The following ARHGAP22 variants were observed in gnomAD, a reference collection of about 807,000 sequenced individuals.
The protein encoded by ARHGAP22 is Rho GTPase activating protein 22.
ARHGAP22 carries 48 observed loss-of-function variants against 59.1 expected under a neutral mutation model. That is an observed-to-expected ratio of 0.81 (90% CI 0.64 to 1.03). ARHGAP22 has a LOEUF of 1.03. Among genes scored for constraint, ARHGAP22 ranks in the 50% least tolerant of loss-of-function variants. ARHGAP22 has a pLI of 0.00. For synonymous variants in ARHGAP22, 445 were observed against 416.4 expected, an observed-to-expected ratio of 1.07 and a Z score of -0.84; for missense variants, 1,015 against 958.7, an observed-to-expected ratio of 1.06 and a Z score of -0.78.
intron 1 of ARHGAP22, among the ~76,000 whole-genome samples, chr10:48,634,113 T>C (rs746964767): frequency 2.6e-5 from 4 of 152,174 alleles, no homozygotes; most frequent in Non-Finnish European, 4.4e-5. Context: ...CTCAGTAGTA[T>C]CATGGGTAGC....
intron 8 of ARHGAP22, chr10:48,451,753 C>G (rs2045984042): frequency 5.0e-6 from 3 of 600,164 alleles, no homozygotes; most frequent in African/African-American, 3.8e-5. Flanking sequence ...CCCACCCAGC[C>G]TCCCCAAATC....
intron 5 of ARHGAP22, among the ~76,000 whole-genome samples, chr10:48,457,996 AG>A (rs1385839147): frequency 2.7e-5 from 1 of 37,530 alleles, no homozygotes; most frequent in Non-Finnish European, 5.6e-5. Context: ...GTGGGTGGGG[AG>A]GGCCCCTCTG....
At chr10:48,443,943 C>CTCTT (rs1239764555), downstream of ARHGAP22, 4 of 152,112 alleles carry the variant, frequency 2.6e-5, no homozygotes, top group African/African-American at 9.7e-5. Context: ...CATAAGACAA[C>CTCTT]TCTTTGTTTT....
chr10:48,539,385 G>A (rs1489889452), intron 3 of ARHGAP22, among the ~76,000 whole-genome samples: 2 of 143,938 alleles, frequency 1.4e-5, no homozygotes, highest in Admixed American at 7.0e-5. Context: ...TCCGCCTCCC[G>A]GGTTCACGCC....
intron 3 of ARHGAP22, among the ~76,000 whole-genome samples, chr10:48,516,585 T>C (rs1323721664): frequency 6.6e-6 from 1 of 152,148 alleles, no homozygotes; most frequent in Non-Finnish European, 1.5e-5. Context: ...ACAAATTAGA[T>C]GACTTAGATA....
chr10:48,567,974 A>G (rs1239549388), intron 2 of ARHGAP22, among the ~76,000 whole-genome samples: 1 of 152,260 alleles, frequency 6.6e-6, no homozygotes, highest in African/African-American at 2.4e-5. Context: ...AAGAAGTTAT[A>G]AAATCATAGC....
At chr10:48,620,012 C>A (rs949790360) in intron 1 of ARHGAP22, among the ~76,000 whole-genome samples, 26 of 152,204 alleles carry the variant, frequency 1.7e-4, no homozygotes, top group African/African-American at 6.3e-4. Context: ...AAAAGAACAC[C>A]AAATAATTTG....
chr10:48,584,993 C>CAAAAA (rs34230451), intron 1 of ARHGAP22, among the ~76,000 whole-genome samples: 2 of 137,608 alleles, frequency 1.5e-5, no homozygotes, highest in African/African-American at 2.7e-5. Context: ...GACTCAGTCT[C>CAAAAA]AAAAAAAAAA....
In ARHGAP22 at chr10:48,518,453, C is replaced by A. The variant is rs185778537; in HGVS notation, c.322+37010G>T. 1.1e-4 allele frequency among the ~76,000 whole-genome samples: 17 copies of A among 152,238 alleles called. No individual in the cohort carries two copies. The East Asian group carries it at 2.9e-3, about 26-fold the overall frequency. ...GTTTTAAAGGAAAAATACATAATGG[C>A]AAGTGAGCAAACAACAGGGGTCAGA... On this transcript the variant is annotated intron_variant, in intron 3 of 9. Transcript: ENST00000249601.
At chr10:48,553,172 C>T (rs941177229) in intron 3 of ARHGAP22, among the ~76,000 whole-genome samples, 7 of 152,268 alleles carry the variant, frequency 4.6e-5, no homozygotes, top group South Asian at 2.1e-4. Context: ...TTGTGCTCTG[C>T]TCTGCAGATA....
intron 3 of ARHGAP22, among the ~76,000 whole-genome samples, chr10:48,499,582 G>A (rs553396526): frequency 6.6e-6 from 1 of 152,318 alleles, no homozygotes; most frequent in African/African-American, 2.4e-5. Flanking sequence ...CTGGTATAGA[G>A]CATTTCCCTG....
At chr10:48,529,061 C>T (rs2054588102) in intron 3 of ARHGAP22, among the ~76,000 whole-genome samples, 1 of 152,198 alleles carries the variant, frequency 6.6e-6, no homozygotes, top group Admixed American at 6.5e-5. Context: ...AGTAGTATCC[C>T]ATTAAGAACT....
intron 1 of ARHGAP22, among the ~76,000 whole-genome samples, chr10:48,594,818 C>T (rs1018898841): frequency 4.6e-5 from 7 of 152,142 alleles, no homozygotes; most frequent in African/African-American, 1.4e-4. Context: ...CAGGCTGAGA[C>T]CTCCCTTTCC....
At chr10:48,508,880 C>G (rs189696253) in intron 3 of ARHGAP22, among the ~76,000 whole-genome samples, 120 of 152,336 alleles carry the variant, frequency 7.9e-4, no homozygotes, top group Non-Finnish European at 1.2e-3. Flanking sequence ...AACAGTGACA[C>G]CAATCAACAT....
In ARHGAP22 at chr10:48,446,266, T is replaced by C. The variant is rs1273221238; in HGVS notation, c.*125A>G. 2.0e-6 allele frequency: 2 copies of C among 1,001,766 alleles called. No homozygotes were observed. The highest frequency in any genetic ancestry group is 2.5e-5 in the East Asian group (1 of 39,820). The allele number at this position is 1,001,766 out of a possible 1,614,324, so 62.1% of individuals were successfully genotyped here. On this transcript the variant is annotated 3_prime_UTR_variant, in exon 10 of 10. Coordinates refer to ENST00000249601, the MANE Select transcript of ARHGAP22 (RefSeq NM_021226.4). The stretch of plus-strand genomic sequence containing the variant: ...AGTCCCCACAGTCCCCACAGAGGTA[T>C]CAGGATCTCTCTCTCTCCAGCTGGC...
At chr10:48,547,122 G>C (rs1367700436) in intron 3 of ARHGAP22, among the ~76,000 whole-genome samples, 3 of 152,200 alleles carry the variant, frequency 2.0e-5, no homozygotes, top group Non-Finnish European at 4.4e-5. Flanking sequence ...AGAGTGTGTG[G>C]AAAATGGGCA....
At chr10:48,460,995 T>G (rs567501921) in intron 4 of ARHGAP22, among the ~76,000 whole-genome samples, 1 of 152,184 alleles carries the variant, frequency 6.6e-6, no homozygotes, top group African/African-American at 2.4e-5. Context: ...AGATGGCAAG[T>G]TAGAATTGAA....
chr10:48,496,916 C>A (rs1021416008), intron 3 of ARHGAP22, among the ~76,000 whole-genome samples: 6 of 152,118 alleles, frequency 3.9e-5, no homozygotes, highest in Admixed American at 2.0e-4. Context: ...TACTCACACT[C>A]GGCTTTCTCA....
chr10:48,487,936 A>G (rs2050012697), intron 3 of ARHGAP22, among the ~76,000 whole-genome samples: 1 of 152,234 alleles, frequency 6.6e-6, no homozygotes, highest in African/African-American at 2.4e-5. Flanking sequence ...CAGGCACGGC[A>G]TGACCAAGCC....
Sources: allele counts gnomAD v4.1 joint callset (sites outside exome capture counted in the v4.1 genomes callset), GRCh38; gene constraint gnomAD v4.1.1; transcripts MANE v1.5; gene names NCBI Gene and HGNC (gene_info 2026-07-23, HGNC 2026-07-21).